SNTB2: variants seen among roughly 807,000 people sequenced by gnomAD.
The protein encoded by SNTB2 is beta-2-syntrophin.
A neutral mutation model predicts 46.2 loss-of-function variants in SNTB2; 34 were observed. The observed-to-expected ratio is 0.74, with a 90% confidence interval of 0.56 to 0.98. The LOEUF (loss-of-function observed/expected upper bound fraction) is 0.98, where lower values mean the gene tolerates loss of function less well. SNTB2 is among the 50% of genes least tolerant of loss of function. The pLI, the probability that SNTB2 is intolerant of heterozygous loss-of-function variation, is 0.00. For missense variants in SNTB2, 603 were observed against 731.4 expected (o/e 0.82, Z 2.02); for synonymous variants, 290 against 312.6 (o/e 0.93, Z 0.76).
intron 1 of SNTB2, among the ~76,000 whole-genome samples, chr16:69,222,422 G>A (rs1038957283): frequency 5.3e-5 from 8 of 151,908 alleles, no homozygotes; most frequent in African/African-American, 1.9e-4. Flanking sequence ...GTGAAACCCC[G>A]TCTCTACTAA....
chr16:69,196,743 T>C (rs1964109924), intron 1 of SNTB2, among the ~76,000 whole-genome samples: 1 of 152,098 alleles, frequency 6.6e-6, no homozygotes, highest in South Asian at 2.1e-4. Flanking sequence ...ATAAATTGAG[T>C]CCTGGAAGAT....
At chr16:69,199,636 G>GATGA (rs1169713964) in intron 1 of SNTB2, among the ~76,000 whole-genome samples, 1 of 136,954 alleles carries the variant, frequency 7.3e-6, no homozygotes, top group African/African-American at 2.8e-5. Flanking sequence ...CTTAAGCGCA[G>GATGA]ATGAATCACT....
intron 5 of SNTB2, among the ~76,000 whole-genome samples, chr16:69,289,310 A>G (rs1965137102): frequency 1.3e-5 from 2 of 151,078 alleles, no homozygotes; most frequent in African/African-American, 4.9e-5. Context: ...ATGGATGTAG[A>G]CAGTACAAGA....
intron 3 of SNTB2, among the ~76,000 whole-genome samples, chr16:69,267,577 A>G (rs760410749): frequency 2.6e-5 from 4 of 152,244 alleles, no homozygotes; most frequent in African/African-American, 4.8e-5. Context: ...TAAGAAATGC[A>G]TAATTCTTTC....
intron 1 of SNTB2, among the ~76,000 whole-genome samples, chr16:69,221,595 G>A (rs1964405528): frequency 6.6e-6 from 1 of 152,068 alleles, no homozygotes; most frequent in South Asian, 2.1e-4. Flanking sequence ...GATCAACATG[G>A]CAAAACCCCC....
At chr16:69,188,818 C>T (rs1964020325) in intron 1 of SNTB2, among the ~76,000 whole-genome samples, 1 of 152,120 alleles carries the variant, frequency 6.6e-6, no homozygotes, top group African/African-American at 2.4e-5. Context: ...TTGGTGATTA[C>T]GTCGTGAAAC....
chr16:69,289,143 C>T (rs918144607), intron 5 of SNTB2, among the ~76,000 whole-genome samples: 3 of 151,972 alleles, frequency 2.0e-5, no homozygotes, highest in Admixed American at 2.0e-4. Context: ...GTGATGCATG[C>T]CTGTAATCCC....
intron 4 of SNTB2, among the ~76,000 whole-genome samples, chr16:69,279,803 C>A (rs1398498529): frequency 6.6e-6 from 1 of 151,358 alleles, no homozygotes; most frequent in African/African-American, 2.4e-5. Context: ...GCTGGGATTA[C>A]AGGTGTGAGC....
In SNTB2 at chr16:69,297,059, C is replaced by G. The variant is rs905165160; in HGVS notation, c.1346-2531C>G. ...GTGCCTCACACCTGTAATCCCAGCA[C>G]TTTGGGAGACCGAGGCAAGTGGGTT... is the stretch of plus-strand genomic sequence containing the variant. On this transcript the variant is annotated intron_variant, in intron 5 of 6. Coordinates refer to ENST00000336278, the MANE Select transcript of SNTB2 (RefSeq NM_006750.4). Among the ~76,000 whole-genome samples the G allele has an allele frequency of 2.0e-5, 3 of 151,420 alleles. No homozygotes were observed. The South Asian group carries it at 6.2e-4, about 31-fold the overall frequency.
chr16:69,288,995 C>T (rs1461315971), intron 5 of SNTB2, among the ~76,000 whole-genome samples: 1 of 151,988 alleles, frequency 6.6e-6, no homozygotes, highest in African/African-American at 2.4e-5. Flanking sequence ...AGTGGCCAGG[C>T]GTGGTGGCTC....
At chr16:69,265,116 G>A (rs1964872106) in intron 3 of SNTB2, among the ~76,000 whole-genome samples, 1 of 152,022 alleles carries the variant, frequency 6.6e-6, no homozygotes, top group African/African-American at 2.4e-5. Flanking sequence ...GGGTGTGGTG[G>A]CGGGCGCCTG....
At chr16:69,228,368 TG>T (rs933043807) in intron 1 of SNTB2, among the ~76,000 whole-genome samples, 1 of 151,830 alleles carries the variant, frequency 6.6e-6, no homozygotes, top group Admixed American at 6.6e-5. Flanking sequence ...TAGCCAGGCA[TG>T]GTGGTGCACA....
chr16:69,282,945 T>C (rs1388733036), intron 4 of SNTB2, among the ~76,000 whole-genome samples: 2 of 152,166 alleles, frequency 1.3e-5, no homozygotes, highest in African/African-American at 2.4e-5. Context: ...TATAATTGCT[T>C]ATCAGTTTTA....
At chr16:69,245,844 C>G in intron 2 of SNTB2, 29 bp downstream of exon 2, 1 of 1,599,900 alleles carries the variant, frequency 6.3e-7, no homozygotes, top group Non-Finnish European at 8.6e-7. Context: ...GAACATCATA[C>G]CTACAGCTTT....
chr16:69,245,698 G>A lies in SNTB2; in HGVS notation c.677G>A (p.Ser226Asn), dbSNP rs200191601. 101 of 1,613,998 alleles carry A rather than the reference G, an allele frequency of 6.3e-5. No homozygotes were observed. The highest frequency in any genetic ancestry group is 8.1e-5 in the Non-Finnish European group (95 of 1,180,036). Residue 226 changes from serine to asparagine, a missense_variant, in exon 2 of 7, where the codon AGT (serine) becomes AAT (asparagine). This residue lies in a region of SNTB2 where 537 missense variants were observed against 692.4 expected (regional missense o/e 0.78). Coordinates refer to ENST00000336278, the MANE Select transcript of SNTB2 (RefSeq NM_006750.4). The stretch of plus-strand genomic sequence containing the variant: ...GCAGCCCCCCAGTCACCAAGCTTTA[G>A]TGGCAGTGAGGACTCTGGTTCGCCA... ...EGAAPQSPSF[S>N]GSEDSGSPKH...
chr16:69,213,338 T>G (rs1399747548), intron 1 of SNTB2, among the ~76,000 whole-genome samples: 1 of 152,176 alleles, frequency 6.6e-6, no homozygotes, highest in African/African-American at 2.4e-5. Flanking sequence ...TGTTTTATTC[T>G]CAGTATTTTG....
intron 1 of SNTB2, among the ~76,000 whole-genome samples, chr16:69,207,834 G>A (rs1450522902): frequency 6.6e-6 from 1 of 152,098 alleles, no homozygotes; most frequent in Non-Finnish European, 1.5e-5. Flanking sequence ...TAGGCCAGGG[G>A]TGGTGGCTTA....
intron 1 of SNTB2, among the ~76,000 whole-genome samples, chr16:69,224,631 A>G (rs192647909): frequency 2.7e-4 from 41 of 152,354 alleles, no homozygotes; most frequent in African/African-American, 9.1e-4. Flanking sequence ...TGATTACTAT[A>G]GTGTTTTAAT....
intron 5 of SNTB2, among the ~76,000 whole-genome samples, chr16:69,286,836 A>G: frequency 6.6e-6 from 1 of 152,272 alleles, no homozygotes; most frequent in East Asian, 1.9e-4. Flanking sequence ...AAGCCTGTGA[A>G]TAGCCACTGT....
Sources: gnomAD v4.1 joint callset for allele counts (sites outside exome capture counted in the v4.1 genomes callset) on GRCh38, gnomAD v4.1.1 for gene constraint, gnomAD v4.1.1 regional missense constraint, MANE v1.5 for transcripts, NCBI Gene and HGNC (gene_info 2026-07-23, HGNC 2026-07-21) for gene names.